The following SCEL variants were observed in gnomAD, a reference collection of about 807,000 sequenced individuals.
SCEL encodes sciellin.
SCEL carries 113 observed loss-of-function variants against 117.6 expected under a neutral mutation model. That is an observed-to-expected ratio of 0.96 (90% CI 0.83 to 1.12). The LOEUF (loss-of-function observed/expected upper bound fraction) is 1.12, where lower values mean the gene tolerates loss of function less well. SCEL is among the 50% of genes most tolerant of loss of function. The probability of loss-of-function intolerance (pLI) is 0.00; values close to 1 mark genes in which losing one functional copy is unlikely to be tolerated. For synonymous variants in SCEL, 270 were observed against 256.2 expected (o/e 1.05, Z -0.51); for missense variants, 785 against 810.8 (o/e 0.97, Z 0.39).
chr13:77,593,296 G>GTGTGTGCGCGCGCA (rs754104287), intron 11 of SCEL, among the ~76,000 whole-genome samples: 1 of 53,616 alleles, frequency 1.9e-5, no homozygotes, highest in East Asian at 2.5e-3. Context: ...GTGTGTGTGT[G>GTGTGTGCGCGCGCA]TCTGTGTGTG....
intron 8 of SCEL, among the ~76,000 whole-genome samples, chr13:77,571,676 C>T (rs1243459542): frequency 3.4e-5 from 5 of 147,552 alleles, no homozygotes; most frequent in East Asian, 2.0e-4. Context: ...GCAACAAGAG[C>T]GAAACTCCGT....
chr13:77,547,373 A>G (rs1408674160), intron 1 of SCEL, among the ~76,000 whole-genome samples: 1 of 152,244 alleles, frequency 6.6e-6, no homozygotes, highest in Non-Finnish European at 1.5e-5. Flanking sequence ...AAATAAAAAA[A>G]TTCATGATGT....
At chr13:77,581,010 G>A (rs1286147317) in intron 9 of SCEL, among the ~76,000 whole-genome samples, 2 of 151,982 alleles carry the variant, frequency 1.3e-5, no homozygotes, top group Non-Finnish European at 2.9e-5. Context: ...AACTATAAAT[G>A]GTAAAATGTA....
intron 15 of SCEL, among the ~76,000 whole-genome samples, chr13:77,600,399 G>T (rs1283944143): frequency 3.9e-5 from 6 of 152,064 alleles, no homozygotes; most frequent in Non-Finnish European, 4.4e-5. Context: ...AAAGTGTTAG[G>T]ATTACATGCA....
At chr13:77,574,366 A>G (rs2085813947) in intron 9 of SCEL, among the ~76,000 whole-genome samples, 1 of 152,216 alleles carries the variant, frequency 6.6e-6, no homozygotes, top group African/African-American at 2.4e-5. Context: ...TCAGATCCAT[A>G]GCTCCGAAAC....
Position 77,612,456 on chromosome 13 carries a change from CT to C in SCEL, c.1338-406del, listed in dbSNP as rs71102764. Among the ~76,000 whole-genome samples the C allele has an allele frequency of 6.5e-3, 602 of 93,208 alleles. 3 individuals carry two copies. Among genetic ancestry groups the C allele is most frequent in the East Asian group, 0.04 (99 of 2,462 alleles). 61.1% of individuals were successfully genotyped at this position (93,208 alleles called of 152,430 possible). A position where few individuals can be genotyped will look rare whatever the true frequency, so the allele number is the denominator to read the frequency against. On this transcript the variant is annotated intron_variant, in intron 22 of 32. Coordinates refer to ENST00000349847, the MANE Select transcript of SCEL (RefSeq NM_144777.3). ...CAGAAAATAACTGCTTTTTTCTTTTCTTTTTTTTTTTTTTTTTTTTTTTTTT... is the reference window on the plus strand; with the variant it reads ...CAGAAAATAACTGCTTTTTTCTTTTCTTTTTTTTTTTTTTTTTTTTTTTTT...
intron 1 of SCEL, among the ~76,000 whole-genome samples, chr13:77,542,299 G>A (rs934569614): frequency 1.3e-5 from 2 of 152,194 alleles, no homozygotes; most frequent in African/African-American, 2.4e-5. Context: ...TACTCAGGAG[G>A]CTGAGGCAGG....
intron 24 of SCEL, among the ~76,000 whole-genome samples, chr13:77,616,004 CTGTGTGTGTGTG>C (rs1169054133): frequency 6.1e-5 from 7 of 114,238 alleles, no homozygotes; most frequent in African/African-American, 2.0e-4. Context: ...TTATGTCTCT[CTGTGTGTGTGTG>C]TGTGTGTGTG....
At chr13:77,596,745 GA>G (rs2087263626) in intron 12 of SCEL, among the ~76,000 whole-genome samples, 1 of 150,738 alleles carries the variant, frequency 6.6e-6, no homozygotes, top group Non-Finnish European at 1.5e-5. Flanking sequence ...GTCATGAATA[GA>G]AAAGTTGGAG....
At chr13:77,635,892 C>T (rs1167638390) in intron 29 of SCEL, among the ~76,000 whole-genome samples, 1 of 152,170 alleles carries the variant, frequency 6.6e-6, no homozygotes, top group Non-Finnish European at 1.5e-5. Context: ...TCACTCCTGC[C>T]TGCTAGATCA....
chr13:77,541,829 AC>A (rs1411157087), intron 1 of SCEL, among the ~76,000 whole-genome samples: 1 of 152,248 alleles, frequency 6.6e-6, no homozygotes, highest in African/African-American at 2.4e-5. Flanking sequence ...GGGATACAGA[AC>A]AGCTACATGA....
At chr13:77,564,317 A>G (rs1278420825) in intron 5 of SCEL, among the ~76,000 whole-genome samples, 2 of 152,036 alleles carry the variant, frequency 1.3e-5, no homozygotes, top group Non-Finnish European at 2.9e-5. Flanking sequence ...TTAATAATAC[A>G]ATAGTTTCAA....
intron 2 of SCEL, among the ~76,000 whole-genome samples, 192 bp from the exon 3 acceptor site, chr13:77,556,404 G>A (rs1023937779): frequency 5.9e-5 from 9 of 152,304 alleles, no homozygotes; most frequent in African/African-American, 1.7e-4. Flanking sequence ...GCAACTTTAT[G>A]TGTTATCTTT....
intron 30 of SCEL, among the ~76,000 whole-genome samples, chr13:77,639,090 C>G (rs2090438018): frequency 6.6e-6 from 1 of 152,066 alleles, no homozygotes; most frequent in South Asian, 2.1e-4. Flanking sequence ...CATCTAGTTT[C>G]CCCAGTGGAA....
intron 4 of SCEL, among the ~76,000 whole-genome samples, chr13:77,560,317 C>T (rs1351975348): frequency 3.3e-5 from 5 of 151,204 alleles, no homozygotes; most frequent in Admixed American, 1.3e-4. Flanking sequence ...GCGCACCTGT[C>T]GTCCCAGCTA....
At chr13:77,610,449 CA>C (rs11356008) in intron 22 of SCEL, among the ~76,000 whole-genome samples, 98,822 of 112,568 alleles carry the variant, frequency 0.88, 43,143 homozygotes, top group South Asian at 0.93. Context: ...AAGACTCCGT[CA>C]AAAAAAAAAA....
chr13:77,541,414 A>T (rs2083694730), intron 1 of SCEL, among the ~76,000 whole-genome samples: 1 of 152,164 alleles, frequency 6.6e-6, no homozygotes, highest in South Asian at 2.1e-4. Context: ...ACGGAAAGAA[A>T]CTCGACAATA....
rs545228452 is a variant in SCEL, at chr13:77,619,124, G to A, written c.1628+1064G>A. 2.6e-3 allele frequency among the ~76,000 whole-genome samples: 401 copies of A among 152,150 alleles called. 3 individuals are homozygous for A. The South Asian group carries it at 0.028, about 10-fold the overall frequency. ...GAAATAGTAGTCCAGTATTCTGAAA[G>A]GACAAAAAGAAATTAACATATGACA... On this transcript the variant is annotated intron_variant, in intron 27 of 32. Transcript: ENST00000349847.
At chr13:77,585,327 A>C (rs1291092299) in intron 9 of SCEL, among the ~76,000 whole-genome samples, 1 of 152,202 alleles carries the variant, frequency 6.6e-6, no homozygotes, top group African/African-American at 2.4e-5. Flanking sequence ...AGATACTCCT[A>C]AACCAAAGTC....
Sources: allele counts gnomAD v4.1 joint callset (sites outside exome capture counted in the v4.1 genomes callset), GRCh38; gene constraint gnomAD v4.1.1; transcripts MANE v1.5; gene names NCBI Gene and HGNC (gene_info 2026-07-23, HGNC 2026-07-21).